The following ZKSCAN2 variants were observed in gnomAD, a reference collection of about 807,000 sequenced individuals.
ZKSCAN2 encodes the protein zinc finger with KRAB and SCAN domains 2.
In ZKSCAN2, 38 loss-of-function variants were observed where a neutral mutation model predicts 90.5. That is an observed-to-expected ratio of 0.42 (90% CI 0.32 to 0.55). ZKSCAN2 has a LOEUF of 0.55. Ranked by LOEUF, ZKSCAN2 falls within the 20% of genes least tolerant of loss-of-function variation. The pLI is 0.11. For synonymous variants in ZKSCAN2, 429 were observed against 421.6 expected (o/e 1.02, Z -0.22); for missense variants, 1,167 against 1,202.6 (o/e 0.97, Z 0.44).
chr16:25,252,548 G>C (rs1464661162), intron 3 of ZKSCAN2, among the ~76,000 whole-genome samples: 3 of 152,100 alleles, frequency 2.0e-5, no homozygotes, highest in Non-Finnish European at 4.4e-5. Flanking sequence ...CTCTTGACGG[G>C]AGTATAAAAA....
At position 25,256,945 on chromosome 16, in the gene ZKSCAN2, T is replaced by C. The variant is rs1198495040; in HGVS notation, c.183A>G (p.Glu61=). The C allele has an allele frequency of 6.2e-7, 1 of 1,614,220 alleles. No individual in the cohort carries two copies. Among genetic ancestry groups the C allele is most frequent in the African/African-American group, 1.3e-5 (1 of 75,054 alleles). The change falls in exon 1 of 7, where the codon GAA becomes GAG. Residue 61 remains glutamate (E), a synonymous_variant. Transcript: ENST00000328086. ...FCYEDVTGPH[E]AFSKLWELCC... ...AAAGTTCCCAGAGTTTACTGAAAGCTTCATGGGGTCCAGTCACATCCTCAT... is the reference window on the plus strand; with the variant it reads ...AAAGTTCCCAGAGTTTACTGAAAGCCTCATGGGGTCCAGTCACATCCTCAT...
intron 6 of ZKSCAN2, among the ~76,000 whole-genome samples, chr16:25,243,521 G>T (rs1962884368): frequency 6.6e-6 from 1 of 152,112 alleles, no homozygotes; most frequent in Non-Finnish European, 1.5e-5. Context: ...TAGAGACAGG[G>T]TTTCGCCATG....
rs947676547 is a variant in ZKSCAN2, at chr16:25,236,210, T to G, written c.*3606A>C. 1 of 152,256 alleles carries G rather than the reference T, an allele frequency of 6.6e-6. No individual in the cohort carries two copies. The highest frequency in any genetic ancestry group is 1.5e-5 in the Non-Finnish European group (1 of 68,062). The allele number at this position is 152,256 out of a possible 1,614,324, so 9.4% of individuals were successfully genotyped here. On this transcript the variant is annotated 3_prime_UTR_variant, in exon 7 of 7. Coordinates refer to ENST00000328086, the MANE Select transcript of ZKSCAN2 (RefSeq NM_001012981.5). ...AGGGCTGCCCCAGCTCCCTCACAGC[T>G]GTCTTGTCTGTCACTGGGCGCCAGA... is the stretch of plus-strand genomic sequence containing the variant.
Position 25,239,745 on chromosome 16 carries a change from GA to G in ZKSCAN2, c.*70del, listed in dbSNP as rs1567349508. ...CTTGGAAATTACACTTCATAGCTAA[GA>G]AAAGATTGCTTCCAAGAATGAGATT... On this transcript the variant is annotated 3_prime_UTR_variant, in exon 7 of 7. Transcript: ENST00000328086. 1 of 1,332,954 alleles carries G rather than the reference GA, an allele frequency of 7.5e-7. No homozygotes were observed. The highest frequency in any genetic ancestry group is 1.0e-6 in the Non-Finnish European group (1 of 968,834). 82.6% of individuals were successfully genotyped at this position (1,332,954 alleles called of 1,614,324 possible).
intron 2 of ZKSCAN2, among the ~76,000 whole-genome samples, chr16:25,254,735 G>C (rs993268798): frequency 1.3e-5 from 2 of 151,470 alleles, no homozygotes; most frequent in African/African-American, 4.8e-5. Flanking sequence ...GCCATGGAGA[G>C]TTTACCACCA....
In ZKSCAN2 at chr16:25,247,406, C is replaced by T. The variant is rs115240282; in HGVS notation, c.806-16G>A. The T allele has an allele frequency of 1.3e-6, 2 of 1,585,804 alleles. No homozygotes were observed. The highest frequency in any genetic ancestry group is 2.7e-5 in the African/African-American group (2 of 74,414). Reference sequence around the variant, plus strand: ...ACTGCACTTCCTACAGTAAAATAAACATATTTCATGGTAGACATAGAAGTC... The same window carrying T: ...ACTGCACTTCCTACAGTAAAATAAATATATTTCATGGTAGACATAGAAGTC... On this transcript the variant is annotated splice_polypyrimidine_tract_variant and intron_variant, in intron 4 of 6. Transcript: ENST00000328086.
intron 6 of ZKSCAN2, among the ~76,000 whole-genome samples, chr16:25,242,637 C>T (rs1465499694): frequency 2.6e-5 from 4 of 152,108 alleles, no homozygotes; most frequent in Non-Finnish European, 5.9e-5. Flanking sequence ...GAGGGAACAT[C>T]GCAAGCTAAA....
chr16:25,241,623 C>G (rs532741939), intron 6 of ZKSCAN2, among the ~76,000 whole-genome samples: 1 of 152,236 alleles, frequency 6.6e-6, no homozygotes, highest in Non-Finnish European at 1.5e-5. Context: ...AAGCCAATTC[C>G]AGACATCACG....
At chr16:25,243,552 C>T (rs1199672306) in intron 6 of ZKSCAN2, among the ~76,000 whole-genome samples, 3 of 152,200 alleles carry the variant, frequency 2.0e-5, no homozygotes, top group Admixed American at 2.0e-4. Context: ...TGGTCTTGAA[C>T]TCCTGACCCC....
rs1250620095 is a variant in ZKSCAN2 at position 25,246,906 on chromosome 16, G to A, written c.1290C>T (p.Ala430=). 6.2e-7 allele frequency: 1 copy of A among 1,614,138 alleles called. No individual in the cohort carries two copies. Among genetic ancestry groups the A allele is most frequent in the Non-Finnish European group, 8.5e-7 (1 of 1,180,032 alleles). The part of the protein sequence containing the change: ...EDMDALLNPA[A]RAPSTDKPKE... ...TTGGTTTATCAGTGGACGGAGCACG[G>A]GCTGCAGGGTTCAACAAAGCATCCA... Residue 430 remains alanine (A), a synonymous_variant, in exon 5 of 7, where the codon GCC becomes GCT. Coordinates refer to ENST00000328086, the MANE Select transcript of ZKSCAN2 (RefSeq NM_001012981.5).
chr16:25,244,374 C>T (rs981878605), intron 5 of ZKSCAN2, 98 bp from the exon 6 acceptor site: 1 of 1,368,608 alleles, frequency 7.3e-7, no homozygotes, highest in Non-Finnish European at 9.9e-7. Flanking sequence ...AAAAAAATCC[C>T]ATTCACAGTG....
Position 25,243,780 on chromosome 16 carries a change from CTT to C in ZKSCAN2, c.1981+3_1981+4del. The C allele has an allele frequency of 6.3e-7, 1 of 1,596,718 alleles. No homozygotes were observed. Among genetic ancestry groups the C allele is most frequent in the Non-Finnish European group, 8.5e-7 (1 of 1,171,118 alleles). The stretch of plus-strand genomic sequence containing the variant: ...GGACTAAAACTCCTTGGTTTTGCAC[CTT>C]ACCATTTGGGCTCTGCAGTAGACCT... On this transcript the variant is annotated splice_donor_region_variant and intron_variant, in intron 6 of 6. Transcript: ENST00000328086.
Position 25,251,893 on chromosome 16 carries a change from G to C in ZKSCAN2, c.805+16C>G, listed in dbSNP as rs1338669813. On this transcript the variant is annotated intron_variant, in intron 4 of 6. Coordinates refer to ENST00000328086, the MANE Select transcript of ZKSCAN2 (RefSeq NM_001012981.5). ...AAGCTCCAAGTCTTATATTTGGAAA[G>C]GGAAGGAATCCTTACCCAGGGAGAC... 2 of 1,612,930 alleles carry C rather than the reference G, an allele frequency of 1.2e-6. No individual in the cohort carries two copies. The highest frequency in any genetic ancestry group is 1.7e-6 in the Non-Finnish European group (2 of 1,179,532).
Position 25,246,734 on chromosome 16 carries a change from C to T in ZKSCAN2, c.1462G>A (p.Ala488Thr). 1 of 1,614,200 alleles carries T rather than the reference C, an allele frequency of 6.2e-7. No individual in the cohort carries two copies. Among genetic ancestry groups the T allele is most frequent in the Non-Finnish European group, 8.5e-7 (1 of 1,180,034 alleles). ...EFIRKSEIHG[A>T]PVLFQNLSGV... ...CTGAGATTCTGAAACAAGACAGGGGCACCATGGATTTCAGACTTGCGGATA... is the reference window on the plus strand; with the variant it reads ...CTGAGATTCTGAAACAAGACAGGGGTACCATGGATTTCAGACTTGCGGATA... The change falls in exon 5 of 7, where the codon GCC becomes ACC. Residue 488 changes from alanine to threonine, a missense_variant. Coordinates refer to ENST00000328086, the MANE Select transcript of ZKSCAN2 (RefSeq NM_001012981.5).
At position 25,239,890 on chromosome 16, in the gene ZKSCAN2, G is replaced by A. The variant is rs754941718; in HGVS notation, c.2830C>T (p.Pro944Ser). The A allele has an allele frequency of 6.2e-7, 1 of 1,614,088 alleles. No homozygotes were observed. The highest frequency in any genetic ancestry group is 8.5e-7 in the Non-Finnish European group (1 of 1,180,010). The change falls in exon 7 of 7, where the codon CCA becomes TCA. Residue 944 changes from proline (P) to serine (S), a missense_variant. Physicochemically the swap from Pro to Ser is moderately conservative, Grantham distance 74. Transcript: ENST00000328086. ...REVHVREKPLPHPPSLYCPEN... is the reference protein window; with the variant it reads ...REVHVREKPLSHPPSLYCPEN... ...GGGCAATACAGAGATGGAGGGTGTG[G>A]CAGAGGCTTTTCTCTCACATGAACT...
rs1443000278 is a variant in ZKSCAN2 at position 25,241,342 on chromosome 16, TAA to T, written c.1982-606_1982-605del. ...TACATCTTGGATCCAGATTTTCTGT[TAA>T]GTTTTCTGGACAGAGAGCATGACAT... On this transcript the variant is annotated intron_variant, in intron 6 of 6. Transcript: ENST00000328086. Among the ~76,000 whole-genome samples the T allele has an allele frequency of 3.9e-5, 6 of 152,236 alleles. No individual in the cohort carries two copies. The South Asian group carries it at 6.2e-4, about 16-fold the overall frequency.
chr16:25,240,317 T>G lies in ZKSCAN2; in HGVS notation c.2403A>C (p.Lys801Asn), dbSNP rs1962832118. 3 of 1,613,968 alleles carry G rather than the reference T, an allele frequency of 1.9e-6. No homozygotes were observed. The highest frequency in any genetic ancestry group is 2.5e-6 in the Non-Finnish European group (3 of 1,180,018). The change falls in exon 7 of 7, where the codon AAA becomes AAC. Residue 801 changes from lysine (K) to asparagine (N), a missense_variant. By Grantham distance (94) the Lys-to-Asn change is moderately conservative. Transcript: ENST00000328086. Reference protein sequence around the residue: ...IRHQRIHTGEKPFKCLDCGKS... With the variant: ...IRHQRIHTGENPFKCLDCGKS... ...TTCCACAGTCAAGACATTTAAAAGG[T>G]TTTTCGCCTGTGTGGATTCTTTGGT...
chr16:25,244,170 C>A lies in ZKSCAN2; in HGVS notation c.1596G>T (p.Gly532=). Residue 532 remains glycine (G), a synonymous_variant, in exon 6 of 7, where the codon GGG becomes GGT. Coordinates refer to ENST00000328086, the MANE Select transcript of ZKSCAN2 (RefSeq NM_001012981.5). ...QACHRKSKLY[G]AVAEQLRECG... ...ACTCTCGAAGCTGTTCAGCTACAGC[C>A]CCATACAATTTGCTCTTCCGATGAC... 1 of 1,614,082 alleles carries A rather than the reference C, an allele frequency of 6.2e-7. No individual in the cohort carries two copies. The highest frequency in any genetic ancestry group is 1.1e-5 in the South Asian group (1 of 91,072).
rs761055859 is a variant in ZKSCAN2 at position 25,247,029 on chromosome 16, G to A, written c.1167C>T (p.Thr389=). 6.2e-7 allele frequency: 1 copy of A among 1,614,122 alleles called. No individual in the cohort carries two copies. Among genetic ancestry groups the A allele is most frequent in the South Asian group, 1.1e-5 (1 of 91,078 alleles). ...TGAACTTGGTTCGACACTGTTCTGG[G>A]GTTCTAAGGAAGCCACATTCTCGCA... ...EWLRECGFLR[T]PEQCRTKFKS... is the part of the protein sequence containing the mutation. The change falls in exon 5 of 7, where the codon ACC becomes ACT. Residue 389 remains threonine (T), a synonymous_variant. Transcript: ENST00000328086.
Sources: gnomAD v4.1 joint callset for allele counts (sites outside exome capture counted in the v4.1 genomes callset) on GRCh38, gnomAD v4.1.1 for gene constraint, MANE v1.5 for transcripts, NCBI Gene and HGNC (gene_info 2026-07-23, HGNC 2026-07-21) for gene names.